AKT3: variants seen among roughly 807,000 people sequenced by gnomAD.
The protein encoded by AKT3 is AKT serine/threonine kinase 3.
A neutral mutation model predicts 65.3 loss-of-function variants in AKT3; 15 were observed. The ratio of observed to expected loss-of-function variants is 0.23; its 90% CI spans 0.15 to 0.35. AKT3 has a LOEUF of 0.35. Among genes scored for constraint, AKT3 ranks in the 10% least tolerant of loss-of-function variants. The probability of loss-of-function intolerance (pLI) is 1.00; values close to 1 mark genes in which losing one functional copy is unlikely to be tolerated. For synonymous variants in AKT3, 206 were observed against 183.8 expected, an observed-to-expected ratio of 1.12 and a Z score of -0.98; for missense variants, 243 against 576.5, an observed-to-expected ratio of 0.42 and a Z score of 5.92.
chr1:243,661,406 C>A (rs1271807927), intron 4 of AKT3, among the ~76,000 whole-genome samples: 10 of 152,004 alleles, frequency 6.6e-5, no homozygotes, highest in African/African-American at 2.4e-4. Flanking sequence ...TGACGCATAT[C>A]TACAACTATC....
At chr1:243,808,987 A>G (rs969447874) in intron 2 of AKT3, among the ~76,000 whole-genome samples, 61 of 152,190 alleles carry the variant, frequency 4.0e-4, no homozygotes, top group South Asian at 6.2e-4. Flanking sequence ...ATGCTGAGAG[A>G]TTTTGTCACC....
chr1:243,644,969 C>T (rs1680695060), intron 5 of AKT3, among the ~76,000 whole-genome samples: 1 of 152,120 alleles, frequency 6.6e-6, no homozygotes, highest in South Asian at 2.1e-4. Context: ...GGATCTCAGA[C>T]ATTTGGCCCA....
intron 12 of AKT3, among the ~76,000 whole-genome samples, chr1:243,523,512 T>A (rs1670857592): frequency 6.6e-6 from 1 of 152,210 alleles, no homozygotes; most frequent in Non-Finnish European, 1.5e-5. Context: ...CTCTTCAATG[T>A]GTCTTTAAAC....
chr1:243,713,746 TAAAA>T (rs572960154), intron 2 of AKT3, among the ~76,000 whole-genome samples: 1 of 82,964 alleles, frequency 1.2e-5, no homozygotes, highest in African/African-American at 4.8e-5. Flanking sequence ...TTTGCCTTAA[TAAAA>T]AAAAAAAAAA....
intron 8 of AKT3, among the ~76,000 whole-genome samples, chr1:243,591,120 A>G (rs1180362430): frequency 1.3e-5 from 2 of 151,646 alleles, no homozygotes. Context: ...AGTACCAAAG[A>G]CAGAGCTCGA....
chr1:243,733,193 A>G (rs907277797), intron 2 of AKT3, among the ~76,000 whole-genome samples: 1 of 152,220 alleles, frequency 6.6e-6, no homozygotes, highest in Admixed American at 6.5e-5. Context: ...AACTAAGTCA[A>G]CTGGAACTTT....
upstream of AKT3, among the ~76,000 whole-genome samples, chr1:243,850,492 G>A (rs1274745068): frequency 1.3e-5 from 2 of 151,378 alleles, no homozygotes; most frequent in Non-Finnish European, 3.0e-5. Flanking sequence ...GGCGCGGGGA[G>A]GGGTTCTGCG....
chr1:243,709,092 G>GT (rs200636629), intron 2 of AKT3, among the ~76,000 whole-genome samples: 70 of 147,642 alleles, frequency 4.7e-4, no homozygotes, highest in South Asian at 2.3e-3. Context: ...ACTTATCAAA[G>GT]TTTTTTTTTT....
intron 2 of AKT3, among the ~76,000 whole-genome samples, chr1:243,736,802 C>T (rs769991502): frequency 3.9e-5 from 6 of 152,136 alleles, no homozygotes; most frequent in East Asian, 1.9e-4. Flanking sequence ...TCAAAGTCCA[C>T]GTAACTTCAT....
intron 2 of AKT3, among the ~76,000 whole-genome samples, chr1:243,742,215 T>TG (rs1452765121): frequency 3.9e-5 from 6 of 152,336 alleles, no homozygotes; most frequent in African/African-American, 1.4e-4. Flanking sequence ...ACTATGTCTG[T>TG]GTCATATGCC....
chr1:243,727,219 C>T (rs1046379047), intron 2 of AKT3, among the ~76,000 whole-genome samples: 1 of 152,174 alleles, frequency 6.6e-6, no homozygotes, highest in African/African-American at 2.4e-5. Flanking sequence ...AAATAAAGGG[C>T]AGACAAAAGA....
chr1:243,541,480 C>T (rs1489484945), intron 12 of AKT3, among the ~76,000 whole-genome samples: 2 of 151,948 alleles, frequency 1.3e-5, no homozygotes, highest in Admixed American at 1.3e-4. Context: ...ATTCTCCACG[C>T]TCATCTTTTT....
chr1:243,559,814 T>C lies in AKT3; in HGVS notation c.948+3906A>G, dbSNP rs116153164. On this transcript the variant is annotated intron_variant, in intron 10 of 13. Transcript: ENST00000673466. The stretch of plus-strand genomic sequence containing the variant: ...AGAGAAGCAGTAGTCAAGAATGTAT[T>C]ACAGATCTGATACACAACTACTACT... 9.9e-3 allele frequency among the ~76,000 whole-genome samples: 1,508 copies of C among 152,208 alleles called. 29 individuals are homozygous for C. Among genetic ancestry groups the C allele is most frequent in the African/African-American group, 0.035 (1,456 of 41,536 alleles).
At chr1:243,589,439 T>C (rs561626724) in intron 8 of AKT3, among the ~76,000 whole-genome samples, 7 of 151,196 alleles carry the variant, frequency 4.6e-5, no homozygotes, top group South Asian at 2.1e-4. Flanking sequence ...GTGCTCAAGA[T>C]AGATCACTAG....
At chr1:243,813,084 G>A (rs1250141782) in intron 2 of AKT3, among the ~76,000 whole-genome samples, 4 of 151,564 alleles carry the variant, frequency 2.6e-5, no homozygotes, top group South Asian at 2.1e-4. Context: ...TGTAAATGAC[G>A]AGTTAATGGG....
At chr1:243,809,516 C>A (rs1692985892) in intron 2 of AKT3, among the ~76,000 whole-genome samples, 1 of 152,142 alleles carries the variant, frequency 6.6e-6, no homozygotes, top group South Asian at 2.1e-4. Flanking sequence ...AATACAGGAG[C>A]ACCCACATTC....
intron 5 of AKT3, among the ~76,000 whole-genome samples, chr1:243,642,556 A>T (rs185175779): frequency 2.5e-3 from 373 of 152,174 alleles, no homozygotes; most frequent in Non-Finnish European, 4.0e-3. Flanking sequence ...TGATCCGCCC[A>T]CCTTGGCCTC....
intron 3 of AKT3, among the ~76,000 whole-genome samples, chr1:243,668,376 C>A (rs1682942011): frequency 6.6e-6 from 1 of 151,482 alleles, no homozygotes; most frequent in African/African-American, 2.4e-5. Flanking sequence ...ATATAAGGGC[C>A]CAAATGCAAT....
At chr1:243,850,821 G>C (rs1342483797), upstream of AKT3, among the ~76,000 whole-genome samples, 1 of 151,900 alleles carries the variant, frequency 6.6e-6, no homozygotes, top group Non-Finnish European at 1.5e-5. Flanking sequence ...AGCCAGAGCC[G>C]GGAGCGGGGG....
Sources: allele counts gnomAD v4.1 joint callset (sites outside exome capture counted in the v4.1 genomes callset), GRCh38; gene constraint gnomAD v4.1.1; transcripts MANE v1.5; gene names NCBI Gene and HGNC (gene_info 2026-07-23, HGNC 2026-07-21).